Variants in PTPRG observed in about 807,000 individuals in gnomAD.
PTPRG encodes receptor-type tyrosine-protein phosphatase gamma.
PTPRG carries 102 observed loss-of-function variants against 165.3 expected under a neutral mutation model. The ratio of observed to expected loss-of-function variants is 0.62; its 90% CI spans 0.53 to 0.73. The LOEUF (loss-of-function observed/expected upper bound fraction) is 0.73. PTPRG is among the 30% of genes least tolerant of loss of function. The pLI, the probability that PTPRG is intolerant of heterozygous loss-of-function variation, is 0.00. For missense variants in PTPRG, 1,866 were observed against 1,861.4 expected, an observed-to-expected ratio of 1.00 and a Z score of -0.05; for synonymous variants, 675 against 669.5, an observed-to-expected ratio of 1.01 and a Z score of -0.13.
At chr3:62,250,919 A>C (rs1468311090) in intron 15 of PTPRG, among the ~76,000 whole-genome samples, 2 of 152,226 alleles carry the variant, frequency 1.3e-5, no homozygotes, top group African/African-American at 4.8e-5. Context: ...CTAACCACAA[A>C]AAGCTAAAAT....
Position 62,203,137 on chromosome 3 carries a change from G to C in PTPRG, c.1378-36G>C, listed in dbSNP as rs1364203601. 3 of 1,528,840 alleles carry C rather than the reference G, an allele frequency of 2.0e-6. No homozygotes were observed. Among genetic ancestry groups the C allele is most frequent in the Non-Finnish European group, 2.6e-6 (3 of 1,138,750 alleles). 94.7% of individuals were successfully genotyped at this position (1,528,840 alleles called of 1,614,324 possible). On this transcript the variant is annotated intron_variant, in intron 11 of 29. Coordinates refer to ENST00000474889, the MANE Select transcript of PTPRG (RefSeq NM_002841.4). The surrounding 1 kb of genome is among the most constrained non-coding windows in gnomAD (Gnocchi z 6.4). ...ATGCTTCTCTGCTTTTTCTTCTTCT[G>C]CCTCTTTTCCACCCTTGCCGGGTGA...
intron 4 of PTPRG, among the ~76,000 whole-genome samples, chr3:62,035,161 C>G (rs1012087244): frequency 2.0e-5 from 3 of 152,150 alleles, no homozygotes; most frequent in African/African-American, 7.2e-5. Context: ...GAAAATGGCA[C>G]TGTTTTCAGA....
intron 4 of PTPRG, among the ~76,000 whole-genome samples, chr3:62,018,108 A>C (rs767043915): frequency 1.7e-4 from 26 of 152,202 alleles, no homozygotes; most frequent in Non-Finnish European, 3.1e-4. Flanking sequence ...AGAACCAGGC[A>C]ATATGCTGAA....
chr3:62,087,823 A>C (rs1701800996), intron 5 of PTPRG, among the ~76,000 whole-genome samples: 1 of 152,226 alleles, frequency 6.6e-6, no homozygotes, highest in Admixed American at 6.5e-5. Flanking sequence ...AGTTTTGCTG[A>C]TAGCTGAAGA....
Position 61,780,514 on chromosome 3 carries a change from TG to T in PTPRG, c.190+31536del, listed in dbSNP as rs556484471. Among the ~76,000 whole-genome samples the T allele has an allele frequency of 2.3e-3, 355 of 152,324 alleles. 3 individuals are homozygous for T. The highest frequency in any genetic ancestry group is 7.7e-3 in the African/African-American group (322 of 41,576). ...GGATTCGTTCCCAATATTTAAAAAT[TG>T]GGGATTTTAATTTAAAAGGTCAGTA... On this transcript the variant is annotated intron_variant, in intron 2 of 29. Coordinates refer to ENST00000474889, the MANE Select transcript of PTPRG (RefSeq NM_002841.4).
intron 2 of PTPRG, among the ~76,000 whole-genome samples, chr3:61,951,770 TGTGAA>T (rs2039904414): frequency 6.6e-6 from 1 of 152,204 alleles, no homozygotes. Flanking sequence ...TACTTGATTC[TGTGAA>T]GTGCTCTTTT....
At chr3:62,094,334 G>A (rs937352514) in intron 5 of PTPRG, among the ~76,000 whole-genome samples, 14 of 152,142 alleles carry the variant, frequency 9.2e-5, no homozygotes, top group Non-Finnish European at 7.4e-5. Context: ...TTGGTGGGGT[G>A]CCCTTGTGAC....
intron 1 of PTPRG, among the ~76,000 whole-genome samples, chr3:61,634,647 C>T (rs183736624): frequency 6.6e-6 from 1 of 152,150 alleles, no homozygotes; most frequent in African/African-American, 2.4e-5. Context: ...AAGCAGGTAG[C>T]AGGACAGAAC....
At chr3:61,881,354 G>A (rs1181361505) in intron 2 of PTPRG, among the ~76,000 whole-genome samples, 2 of 152,154 alleles carry the variant, frequency 1.3e-5, no homozygotes, top group Non-Finnish European at 1.5e-5. Flanking sequence ...TTTAATCTTA[G>A]AGAGAACAAT....
chr3:62,031,157 C>A (rs1443050313), intron 4 of PTPRG, among the ~76,000 whole-genome samples: 1 of 152,060 alleles, frequency 6.6e-6, no homozygotes, highest in Non-Finnish European at 1.5e-5. Context: ...AACTGTATAC[C>A]AGCTTATGTG....
intron 1 of PTPRG, among the ~76,000 whole-genome samples, chr3:61,615,795 T>C (rs1002536212): frequency 1.3e-5 from 2 of 152,162 alleles, no homozygotes; most frequent in African/African-American, 4.8e-5. Context: ...CCTTTTGACA[T>C]GTCCCCATCA....
At chr3:61,850,577 T>C (rs1334570675) in intron 2 of PTPRG, among the ~76,000 whole-genome samples, 1 of 152,232 alleles carries the variant, frequency 6.6e-6, no homozygotes, top group African/African-American at 2.4e-5. Context: ...TTTATGTTAA[T>C]CTTCTTCAAT....
At chr3:62,264,007 G>C (rs553255609) in intron 17 of PTPRG, 2 of 152,346 alleles carry the variant, frequency 1.3e-5, no homozygotes, top group Admixed American at 1.3e-4. Context: ...TTAGCCGGGC[G>C]TGGTGGCAGG....
chr3:61,898,041 T>C (rs983695168), intron 2 of PTPRG, among the ~76,000 whole-genome samples: 8 of 152,220 alleles, frequency 5.3e-5, no homozygotes, highest in East Asian at 1.9e-4. Flanking sequence ...ATGACTTTAC[T>C]TCTCTTTTAT....
chr3:62,232,551 C>T (rs1339477332), intron 14 of PTPRG, among the ~76,000 whole-genome samples: 3 of 152,196 alleles, frequency 2.0e-5, no homozygotes, highest in Non-Finnish European at 4.4e-5. Context: ...TTGACTATAA[C>T]ACTTTAAAAA....
intron 2 of PTPRG, among the ~76,000 whole-genome samples, chr3:61,937,063 T>C (rs539246332): frequency 6.6e-6 from 1 of 152,282 alleles, no homozygotes; most frequent in South Asian, 2.1e-4. Flanking sequence ...AAAATGGGAA[T>C]CGTCTTCTCT....
At chr3:61,904,268 A>T (rs991870484) in intron 2 of PTPRG, among the ~76,000 whole-genome samples, 5 of 152,148 alleles carry the variant, frequency 3.3e-5, no homozygotes. Flanking sequence ...TCCATCCAGA[A>T]GGAGCTGGGT....
intron 1 of PTPRG, among the ~76,000 whole-genome samples, chr3:61,727,205 T>C (rs1308285476): frequency 6.6e-6 from 1 of 151,332 alleles, no homozygotes; most frequent in Non-Finnish European, 1.5e-5. Flanking sequence ...TAGTGTAAAA[T>C]CATAATTTTT....
chr3:61,884,287 T>C (rs1384329592), intron 2 of PTPRG, among the ~76,000 whole-genome samples: 1 of 152,238 alleles, frequency 6.6e-6, no homozygotes, highest in African/African-American at 2.4e-5. Context: ...GTTAGTGTGC[T>C]TCACTTTAAT....
Sources: gnomAD v4.1 joint callset for allele counts (sites outside exome capture counted in the v4.1 genomes callset) on GRCh38, gnomAD v4.1.1 for gene constraint, Gnocchi (gnomAD v3.1) non-coding constraint, MANE v1.5 for transcripts, NCBI Gene and HGNC (gene_info 2026-07-23, HGNC 2026-07-21) for gene names.